Variants in ZBBX observed in about 807,000 individuals in gnomAD.
The protein encoded by ZBBX is zinc finger B-box domain containing.
In ZBBX, 101 loss-of-function variants were observed where a neutral mutation model predicts 108.5. The observed-to-expected ratio is 0.93, with a 90% confidence interval of 0.79 to 1.10. ZBBX has a LOEUF of 1.10. Among genes scored for constraint, ZBBX ranks in the 50% least tolerant of loss-of-function variants. ZBBX has a pLI of 0.00. For synonymous variants in ZBBX, 356 were observed against 323.4 expected (o/e 1.10, Z -1.08); for missense variants, 1,009 against 941.4 (o/e 1.07, Z -0.94).
At chr3:167,343,407 C>A (rs1466566482) in intron 9 of ZBBX, among the ~76,000 whole-genome samples, 1 of 151,786 alleles carries the variant, frequency 6.6e-6, no homozygotes, top group African/African-American at 2.4e-5. Flanking sequence ...TCTCCCAACT[C>A]TTCATTAACT....
At chr3:167,372,240 T>C (rs535038480) in intron 4 of ZBBX, among the ~76,000 whole-genome samples, 2 of 152,148 alleles carry the variant, frequency 1.3e-5, no homozygotes, top group Non-Finnish European at 2.9e-5. Flanking sequence ...CATCCTATGC[T>C]GGCTGGCTCT....
intron 6 of ZBBX, among the ~76,000 whole-genome samples, chr3:167,364,311 ACTAGT>A (rs1744991844): frequency 6.6e-6 from 1 of 152,058 alleles, no homozygotes; most frequent in East Asian, 1.9e-4. Context: ...CTTCAGAAAC[ACTAGT>A]CTAAATAGAT....
upstream of ZBBX, among the ~76,000 whole-genome samples, chr3:167,382,947 T>A (rs1393847114): frequency 1.3e-5 from 2 of 152,134 alleles, no homozygotes; most frequent in East Asian, 3.9e-4. Context: ...CCTAGAAATC[T>A]CATACTAATA....
At chr3:167,254,292 G>A (rs191123367) in intron 20 of ZBBX, among the ~76,000 whole-genome samples, 10 of 152,288 alleles carry the variant, frequency 6.6e-5, no homozygotes, top group Admixed American at 5.2e-4. Flanking sequence ...GTGTGCACAC[G>A]TGTGTGTATG....
chr3:167,204,101 C>G, the ZBBX span, among the ~76,000 whole-genome samples: 6 of 151,996 alleles, frequency 3.9e-5, no homozygotes, highest in South Asian at 1.2e-3. Context: ...TATTGAATAT[C>G]ACATGGAAAA....
chr3:167,214,376 G>A, the ZBBX span, among the ~76,000 whole-genome samples: 1 of 152,030 alleles, frequency 6.6e-6, no homozygotes, highest in Non-Finnish European at 1.5e-5. Flanking sequence ...CTTCAAACCA[G>A]CAAAGATAAA....
the ZBBX span, among the ~76,000 whole-genome samples, chr3:167,185,084 G>A: frequency 0.013 from 2,030 of 152,216 alleles, 22 homozygotes; most frequent in South Asian, 0.026. Flanking sequence ...TATATATAGA[G>A]ACTTGGTTTG....
chr3:167,218,379 A>G, the ZBBX span, among the ~76,000 whole-genome samples: 121,669 of 152,038 alleles, frequency 0.8, 48,924 homozygotes, highest in East Asian at 0.91. Context: ...TCAGTAGAAC[A>G]ATTAAAAAAT....
At chr3:167,276,898 G>C (rs573424294) in intron 20 of ZBBX, among the ~76,000 whole-genome samples, 76 of 152,094 alleles carry the variant, frequency 5.0e-4, no homozygotes, top group African/African-American at 1.7e-3. Context: ...CGGATCTCTC[G>C]GTAGAAACTC....
chr3:167,214,558 C>T, the ZBBX span, among the ~76,000 whole-genome samples: 77 of 152,292 alleles, frequency 5.1e-4, no homozygotes, highest in African/African-American at 1.8e-3. Context: ...TTCAATATTT[C>T]ACTGACAGTA....
At chr3:167,221,105 AG>A in the ZBBX span, among the ~76,000 whole-genome samples, 1 of 152,042 alleles carries the variant, frequency 6.6e-6, no homozygotes, top group Non-Finnish European at 1.5e-5. Flanking sequence ...ATGGATTAAA[AG>A]AATCAATATT....
At chr3:167,210,869 G>T in the ZBBX span, among the ~76,000 whole-genome samples, 1 of 152,088 alleles carries the variant, frequency 6.6e-6, no homozygotes, top group Admixed American at 6.6e-5. Context: ...TCAAACAAAA[G>T]CTGACAGATT....
intron 1 of ZBBX, among the ~76,000 whole-genome samples, chr3:167,386,159 G>A (rs955551761): frequency 6.6e-6 from 1 of 151,298 alleles, no homozygotes. Flanking sequence ...GGTAAAAAAA[G>A]AAAAAATAAA....
intron 18 of ZBBX, 96 bp from the exon 19 acceptor site, chr3:167,289,079 T>A: frequency 1.6e-6 from 1 of 606,376 alleles, no homozygotes; most frequent in Non-Finnish European, 2.6e-6. Flanking sequence ...AATATTTAAC[T>A]GAATAAAGAA....
chr3:167,198,676 C>A, the ZBBX span, among the ~76,000 whole-genome samples: 1 of 152,088 alleles, frequency 6.6e-6, no homozygotes, highest in Non-Finnish European at 1.5e-5. Flanking sequence ...AATGGAAACA[C>A]AAAGCTTTAA....
intron 3 of ZBBX, among the ~76,000 whole-genome samples, chr3:167,373,501 C>G (rs555614263): frequency 6.6e-5 from 10 of 152,230 alleles, no homozygotes; most frequent in African/African-American, 2.4e-4. Context: ...TTAGGGGCAC[C>G]AATCCCCCAA....
chr3:167,372,301 C>T (rs547012997), intron 4 of ZBBX, among the ~76,000 whole-genome samples: 1 of 152,242 alleles, frequency 6.6e-6, no homozygotes, highest in Non-Finnish European at 1.5e-5. Context: ...CTGTAGGTGA[C>T]ATCAAAGACA....
At chr3:167,238,404 C>CAAGTTGTCCACGT (rs1446691262), downstream of ZBBX, among the ~76,000 whole-genome samples, 10 of 151,948 alleles carry the variant, frequency 6.6e-5, no homozygotes, top group Admixed American at 2.6e-4. Flanking sequence ...TTCTTGATTG[C>CAAGTTGTCCACGT]TTATTGTCCA....
chr3:167,355,241 A>G (rs1165583193), intron 8 of ZBBX, among the ~76,000 whole-genome samples: 1 of 152,032 alleles, frequency 6.6e-6, no homozygotes, highest in Non-Finnish European at 1.5e-5. Flanking sequence ...GGTCATTTAA[A>G]AATTTGCCAA....
Sources: gnomAD v4.1 joint callset for allele counts (sites outside exome capture counted in the v4.1 genomes callset) on GRCh38, gnomAD v4.1.1 for gene constraint, MANE v1.5 for transcripts, NCBI Gene and HGNC (gene_info 2026-07-23, HGNC 2026-07-21) for gene names.